Variants in SLC22A14 observed in about 807,000 individuals in gnomAD.
The protein encoded by SLC22A14 is solute carrier family 22 member 14.
In SLC22A14, 50 loss-of-function variants were observed where a neutral mutation model predicts 53.9. That is an observed-to-expected ratio of 0.93 (90% confidence interval 0.74 to 1.17). SLC22A14 has a LOEUF of 1.17. Among genes scored for constraint, SLC22A14 ranks in the 50% most tolerant of loss-of-function variants. SLC22A14 has a pLI of 0.00. For missense variants in SLC22A14, 671 were observed against 734.7 expected (o/e 0.91, Z 1.00); for synonymous variants, 312 against 303.0 (o/e 1.03, Z -0.31).
At chr3:38,311,112 G>A (rs1033802742) in intron 5 of SLC22A14, among the ~76,000 whole-genome samples, 7 of 152,210 alleles carry the variant, frequency 4.6e-5, no homozygotes, top group African/African-American at 7.2e-5. Context: ...CCTTTGCCTA[G>A]CTCGAGTAGA....
chr3:38,304,177 C>T (rs1374200437), intron 1 of SLC22A14, among the ~76,000 whole-genome samples: 1 of 147,262 alleles, frequency 6.8e-6, no homozygotes, highest in Non-Finnish European at 1.5e-5. Flanking sequence ...GATGACAGAG[C>T]GAGACTCTGT....
chr3:38,318,434 C>T lies in SLC22A14; in HGVS notation c.*185C>T, dbSNP rs1392284555. On this transcript the variant is annotated 3_prime_UTR_variant, in exon 11 of 11. Coordinates refer to ENST00000448498, the MANE Select transcript of SLC22A14 (RefSeq NM_001320033.2). ...CAAGTATGGGGTCATGGATTCCAGG[C>T]CACAAATTCCAGGCCTAGTTCAGTC... The T allele has an allele frequency of 3.3e-6, 2 of 612,168 alleles. No homozygotes were observed. Among genetic ancestry groups the T allele is most frequent in the Non-Finnish European group, 5.9e-6 (2 of 337,892 alleles). 37.9% of individuals were successfully genotyped at this position (612,168 alleles called of 1,614,324 possible). A position where few individuals can be genotyped will look rare whatever the true frequency, so the allele number is the denominator to read the frequency against.
intron 1 of SLC22A14, among the ~76,000 whole-genome samples, chr3:38,286,667 C>T (rs1050098278): frequency 6.6e-6 from 1 of 151,570 alleles, no homozygotes; most frequent in Non-Finnish European, 1.5e-5. Context: ...CCACCTCGAC[C>T]TCCCAAAGTG....
chr3:38,298,617 G>A (rs754565948), intron 1 of SLC22A14, among the ~76,000 whole-genome samples: 78 of 152,044 alleles, frequency 5.1e-4, no homozygotes, highest in Non-Finnish European at 9.3e-4. Context: ...AGGCAGTGGC[G>A]CCATCTCAGC....
chr3:38,279,577 G>A (rs1703623982), upstream of SLC22A14, among the ~76,000 whole-genome samples: 1 of 152,080 alleles, frequency 6.6e-6, no homozygotes. Flanking sequence ...CACCATGCCT[G>A]GTCCCTGGAG....
chr3:38,285,999 G>A (rs1326333735), intron 1 of SLC22A14, among the ~76,000 whole-genome samples: 5 of 152,166 alleles, frequency 3.3e-5, no homozygotes, highest in Admixed American at 6.5e-5. Flanking sequence ...GTGGGAGGCC[G>A]AGGTGGGCAG....
At chr3:38,316,289 A>C in intron 9 of SLC22A14, 35 bp from the exon 10 acceptor site, 41 of 1,602,938 alleles carry the variant, frequency 2.6e-5, no homozygotes, top group Non-Finnish European at 3.4e-5. Flanking sequence ...TGAACCCGGC[A>C]GACCCCTCAC....
At chr3:38,291,572 G>A (rs1270821124) in intron 1 of SLC22A14, among the ~76,000 whole-genome samples, 1 of 152,186 alleles carries the variant, frequency 6.6e-6, no homozygotes, top group Non-Finnish European at 1.5e-5. Flanking sequence ...TGCTACTGCC[G>A]CCACTACCCG....
intron 1 of SLC22A14, among the ~76,000 whole-genome samples, chr3:38,296,019 C>T (rs1704028969): frequency 6.6e-6 from 1 of 152,132 alleles, no homozygotes; most frequent in Non-Finnish European, 1.5e-5. Flanking sequence ...TTTGGAGATA[C>T]AACTTGCTAG....
chr3:38,305,728 G>C (rs1266626134), intron 1 of SLC22A14: 2 of 363,842 alleles, frequency 5.5e-6, no homozygotes, highest in Non-Finnish European at 9.9e-6. Flanking sequence ...CAAAAAGCTT[G>C]AGTTGTGGGG....
At chr3:38,298,754 A>C (rs1200416727) in intron 1 of SLC22A14, among the ~76,000 whole-genome samples, 1 of 152,074 alleles carries the variant, frequency 6.6e-6, no homozygotes, top group Admixed American at 6.6e-5. Context: ...CAGGGTTTCA[A>C]CATGTTGGCC....
intron 10 of SLC22A14, 89 bp downstream of exon 10, chr3:38,316,613 C>T (rs981055451): frequency 1.6e-5 from 19 of 1,170,584 alleles, no homozygotes; most frequent in African/African-American, 6.1e-5. Context: ...TGTCCATCCC[C>T]GCCCCTCTGC....
chr3:38,283,031 G>A (rs1456986687), intron 1 of SLC22A14, among the ~76,000 whole-genome samples: 1 of 152,124 alleles, frequency 6.6e-6, no homozygotes, highest in Non-Finnish European at 1.5e-5. Flanking sequence ...CCTTTCTGGA[G>A]GCTCTAGGGC....
intron 1 of SLC22A14, among the ~76,000 whole-genome samples, chr3:38,299,472 G>A (rs892096209): frequency 1.3e-5 from 2 of 152,046 alleles, no homozygotes; most frequent in South Asian, 2.1e-4. Flanking sequence ...AGAGATACTC[G>A]AGCATTTTGC....
intron 10 of SLC22A14, among the ~76,000 whole-genome samples, chr3:38,317,118 T>G (rs540496496): frequency 4.6e-5 from 7 of 152,318 alleles, no homozygotes; most frequent in African/African-American, 1.7e-4. Flanking sequence ...TTTCGGCCAA[T>G]GAACACGCTC....
intron 1 of SLC22A14, among the ~76,000 whole-genome samples, chr3:38,287,163 C>CT (rs910955935): frequency 1.6e-4 from 25 of 152,164 alleles, no homozygotes; most frequent in African/African-American, 5.8e-4. Context: ...TTTTTTTCCA[C>CT]TTTAAGATTT....
At chr3:38,317,153 C>T (rs1475802825) in intron 10 of SLC22A14, among the ~76,000 whole-genome samples, 3 of 152,218 alleles carry the variant, frequency 2.0e-5, no homozygotes, top group East Asian at 1.9e-4. Flanking sequence ...GGGACCTGAG[C>T]GCCAGTGAGG....
intron 10 of SLC22A14, among the ~76,000 whole-genome samples, chr3:38,317,680 GA>G (rs1184745711): frequency 1.3e-5 from 2 of 152,178 alleles, no homozygotes; most frequent in African/African-American, 4.8e-5. Flanking sequence ...TTGCAAAGTG[GA>G]ATGAGAACAG....
intron 1 of SLC22A14, among the ~76,000 whole-genome samples, chr3:38,296,514 T>C (rs73825510): frequency 0.064 from 9,734 of 152,244 alleles, 356 homozygotes; most frequent in East Asian, 0.16. Context: ...TATTACTCAC[T>C]GCTTTGGAGA....
Sources: gnomAD v4.1 joint callset for allele counts (sites outside exome capture counted in the v4.1 genomes callset) on GRCh38, gnomAD v4.1.1 for gene constraint, MANE v1.5 for transcripts, NCBI Gene and HGNC (gene_info 2026-07-23, HGNC 2026-07-21) for gene names.